Variants in RHOBTB1 observed in about 807,000 individuals in gnomAD.
RHOBTB1 encodes the protein rho-related BTB domain-containing protein 1.
RHOBTB1 carries 40 observed loss-of-function variants against 71.6 expected under a neutral mutation model. The ratio of observed to expected loss-of-function variants is 0.56; its 90% CI spans 0.43 to 0.73. The LOEUF (loss-of-function observed/expected upper bound fraction) is 0.73. RHOBTB1 is among the 30% of genes least tolerant of loss of function. The pLI is 0.00. For synonymous variants in RHOBTB1, 319 were observed against 334.9 expected (o/e 0.95, Z 0.52); for missense variants, 797 against 894.0 (o/e 0.89, Z 1.38).
intron 6 of RHOBTB1, 135 bp downstream of exon 6, chr10:60,888,077 C>T: frequency 9.9e-7 from 1 of 1,014,842 alleles, no homozygotes; most frequent in Non-Finnish European, 1.4e-6. Flanking sequence ...ATGCCTGTAG[C>T]TTAGAAAGGT....
chr10:60,972,391 T>C (rs1318863920), intron 2 of RHOBTB1, among the ~76,000 whole-genome samples: 1 of 152,106 alleles, frequency 6.6e-6, no homozygotes, highest in Admixed American at 6.5e-5. Context: ...TGCAGGGACA[T>C]GGATGAAGCT....
intron 2 of RHOBTB1, among the ~76,000 whole-genome samples, chr10:60,957,758 T>C (rs747579850): frequency 6.6e-6 from 1 of 152,212 alleles, no homozygotes; most frequent in African/African-American, 2.4e-5. Context: ...ATGGTAATGA[T>C]ATTTATTGAA....
intron 6 of RHOBTB1, among the ~76,000 whole-genome samples, chr10:60,886,722 G>GC (rs1175542695): frequency 4.3e-5 from 6 of 138,294 alleles, no homozygotes; most frequent in Admixed American, 7.1e-5. Context: ...AGATGTGGGG[G>GC]GGGGTGGGTC....
Position 60,917,139 on chromosome 10 carries a change from A to C in RHOBTB1, c.-10-5587T>G, listed in dbSNP as rs369291867. ...CTTTGTTTTATGCTACTAAGTTTTG[A>C]CGTTTGTTACAGCAGCAATAAGAAA... On this transcript the variant is annotated intron_variant, in intron 2 of 10. Coordinates refer to ENST00000337910, the MANE Select transcript of RHOBTB1 (RefSeq NM_014836.5). Among the ~76,000 whole-genome samples, 4 of 152,330 alleles carry C rather than the reference A, an allele frequency of 2.6e-5. No homozygotes were observed. The South Asian group carries it at 8.3e-4, about 32-fold the overall frequency.
intron 2 of RHOBTB1, among the ~76,000 whole-genome samples, chr10:60,921,802 T>C (rs1470367193): frequency 6.6e-6 from 1 of 152,196 alleles, no homozygotes; most frequent in Non-Finnish European, 1.5e-5. Context: ...AGCCTGCAGT[T>C]GGTGAGAGAA....
At chr10:60,871,947 G>T in intron 10 of RHOBTB1, 1 of 613,296 alleles carries the variant, frequency 1.6e-6, no homozygotes. Context: ...TGCACTCTCT[G>T]CAACAGGGCA....
chr10:60,923,780 T>TTTTTTGTTTTTTGTTTTTGTAAA (rs1300322984), intron 2 of RHOBTB1, among the ~76,000 whole-genome samples: 2 of 152,192 alleles, frequency 1.3e-5, no homozygotes, highest in African/African-American at 4.8e-5. Flanking sequence ...GATCAAGATC[T>TTTTTTGTTTTTTGTTTTTGTAAA]GATGTTTTTG....
chr10:60,883,745 T>C (rs115108582), intron 7 of RHOBTB1, among the ~76,000 whole-genome samples: 2,294 of 152,316 alleles, frequency 0.015, 59 homozygotes, highest in African/African-American at 0.052. Flanking sequence ...CTACTATTTA[T>C]TGAATGCTTC....
chr10:60,993,694 T>C (rs930322333), intron 1 of RHOBTB1, among the ~76,000 whole-genome samples: 3 of 152,174 alleles, frequency 2.0e-5, no homozygotes, highest in Admixed American at 2.0e-4. Context: ...TGCTCTACGG[T>C]GTATATTTTA....
chr10:60,926,294 C>T (rs2083879858), intron 2 of RHOBTB1, among the ~76,000 whole-genome samples: 2 of 152,054 alleles, frequency 1.3e-5, no homozygotes, highest in Non-Finnish European at 2.9e-5. Flanking sequence ...TAAACTCTAC[C>T]AAACACTTAA....
intron 2 of RHOBTB1, among the ~76,000 whole-genome samples, chr10:60,950,781 T>C (rs577517185): frequency 6.6e-6 from 1 of 152,212 alleles, no homozygotes; most frequent in African/African-American, 2.4e-5. Flanking sequence ...GCATAGGGTA[T>C]CATTTGATTT....
rs1589195440 is a variant in RHOBTB1 at position 60,888,485 on chromosome 10, C to T, written c.1183G>A (p.Gly395Arg). 6.2e-7 allele frequency: 1 copy of T among 1,614,198 alleles called. No individual in the cohort carries two copies. The highest frequency in any genetic ancestry group is 2.2e-5 in the East Asian group (1 of 44,872). ...TCCATCCTGACCACAGTCATGGGCC[C>T]CATCCGCTTTGAAATGGGGTTGACT... ...MQVNPISKRM[G>R]PMTVVRMDAS... Residue 395 changes from glycine (G) to arginine (R), a missense_variant, in exon 6 of 11, where the codon GGG (glycine) becomes AGG (arginine). Around this residue, in one of 2 missense-constraint regions of RHOBTB1, gnomAD observed 658 missense variants for 681.5 expected, o/e 0.97. Transcript: ENST00000337910.
At chr10:60,987,859 A>G (rs555065048) in intron 1 of RHOBTB1, among the ~76,000 whole-genome samples, 2 of 150,712 alleles carry the variant, frequency 1.3e-5, no homozygotes, top group Non-Finnish European at 3.0e-5. Context: ...ACCCCTGACA[A>G]AAGTTGTTTC....
rs1373206223 is a variant in RHOBTB1, at chr10:60,888,576, T to C, written c.1092A>G (p.Ala364=). 1.2e-6 allele frequency: 2 copies of C among 1,614,182 alleles called. No homozygotes were observed. Among genetic ancestry groups the C allele is most frequent in the East Asian group, 2.2e-5 (1 of 44,858 alleles). The change falls in exon 6 of 11, where the codon GCA becomes GCG. Residue 364 remains alanine (A), a synonymous_variant. Coordinates refer to ENST00000337910, the MANE Select transcript of RHOBTB1 (RefSeq NM_014836.5). ...CGGTCAAAGTCTGTGTCTCAGGAAC[T>C]GCACCCTCGGCTTCCAGCCCCAGAG... ...VEALGLEAEG[A]VPETQTLTGW...
At chr10:60,932,271 T>C (rs2084299790) in intron 2 of RHOBTB1, among the ~76,000 whole-genome samples, 1 of 152,084 alleles carries the variant, frequency 6.6e-6, no homozygotes, top group Non-Finnish European at 1.5e-5. Flanking sequence ...TATAAAGTAA[T>C]GGTTCAGGCA....
chr10:60,973,480 T>C (rs2086226750), intron 2 of RHOBTB1, among the ~76,000 whole-genome samples: 1 of 152,094 alleles, frequency 6.6e-6, no homozygotes. Context: ...AGCACTTCAT[T>C]TCTGAAGGAA....
intron 2 of RHOBTB1, among the ~76,000 whole-genome samples, chr10:60,934,532 T>C (rs954746456): frequency 6.6e-6 from 1 of 152,236 alleles, no homozygotes; most frequent in Non-Finnish European, 1.5e-5. Context: ...AGTAGTCATG[T>C]CAGAAGAGAG....
downstream of RHOBTB1, among the ~76,000 whole-genome samples, chr10:60,866,996 A>C (rs184984838): frequency 1.2e-4 from 19 of 152,294 alleles, no homozygotes; most frequent in Non-Finnish European, 1.6e-4. Flanking sequence ...AAAAATGCTG[A>C]GCACACAGGT....
intron 7 of RHOBTB1, among the ~76,000 whole-genome samples, chr10:60,881,253 A>G (rs541403164): frequency 2.6e-4 from 40 of 152,262 alleles, no homozygotes; most frequent in African/African-American, 9.4e-4. Context: ...CTTTTTCTTT[A>G]TAAATTACCC....
Sources: allele counts gnomAD v4.1 joint callset (sites outside exome capture counted in the v4.1 genomes callset), GRCh38; gene constraint gnomAD v4.1.1; regional missense constraint gnomAD v4.1.1; transcripts MANE v1.5; gene names NCBI Gene and HGNC (gene_info 2026-07-23, HGNC 2026-07-21).